Variants in SORCS3 observed in about 807,000 individuals in gnomAD.
SORCS3 encodes sortilin related VPS10 domain containing receptor 3.
SORCS3 carries 57 observed loss-of-function variants against 146.3 expected under a neutral mutation model. The observed-to-expected ratio is 0.39, with a 90% CI of 0.31 to 0.49. The LOEUF is 0.49. Ranked by LOEUF, SORCS3 falls within the 20% of genes least tolerant of loss-of-function variation. The probability of loss-of-function intolerance (pLI) is 0.92; values close to 1 mark genes in which losing one functional copy is unlikely to be tolerated. For missense variants in SORCS3, 1,341 were observed against 1,575.5 expected (o/e 0.85, Z 2.52); for synonymous variants, 653 against 618.5 (o/e 1.06, Z -0.83).
intron 1 of SORCS3, among the ~76,000 whole-genome samples, chr10:104,653,969 C>T (rs2015594348): frequency 6.6e-6 from 1 of 152,030 alleles, no homozygotes; most frequent in South Asian, 2.1e-4. Flanking sequence ...ACCCTTCCTG[C>T]CTCTGGTAAT....
At chr10:104,784,575 C>T (rs1195055507) in intron 1 of SORCS3, among the ~76,000 whole-genome samples, 1 of 152,152 alleles carries the variant, frequency 6.6e-6, no homozygotes, top group Non-Finnish European at 1.5e-5. Context: ...CTGAACATAA[C>T]CATGACAAAT....
At chr10:105,224,249 C>T (rs975538228) in intron 20 of SORCS3, among the ~76,000 whole-genome samples, 4 of 152,166 alleles carry the variant, frequency 2.6e-5, no homozygotes, top group Admixed American at 2.6e-4. Context: ...TCTTACCTGC[C>T]TCCTCCTTAA....
intron 7 of SORCS3, among the ~76,000 whole-genome samples, chr10:105,128,049 C>A (rs1252347904): frequency 6.6e-6 from 1 of 152,148 alleles, no homozygotes; most frequent in African/African-American, 2.4e-5. Flanking sequence ...CACCATGGAG[C>A]TGAATACCCG....
chr10:104,775,065 T>A (rs2017293399), intron 1 of SORCS3, among the ~76,000 whole-genome samples: 2 of 152,104 alleles, frequency 1.3e-5, no homozygotes, highest in African/African-American at 2.4e-5. Flanking sequence ...AGTTTTGGAG[T>A]GTTCTGGGAA....
At chr10:104,916,749 T>C (rs2019032605) in intron 3 of SORCS3, among the ~76,000 whole-genome samples, 1 of 152,146 alleles carries the variant, frequency 6.6e-6, no homozygotes. Flanking sequence ...AAGGTCATTT[T>C]AATATTTCTA....
chr10:104,930,000 C>G (rs988257374), intron 3 of SORCS3, among the ~76,000 whole-genome samples: 2 of 152,068 alleles, frequency 1.3e-5, no homozygotes, highest in Admixed American at 1.3e-4. Flanking sequence ...TATGAATTGC[C>G]TGACAAAGAA....
At chr10:105,096,562 A>G (rs772923607) in intron 6 of SORCS3, among the ~76,000 whole-genome samples, 21 of 152,334 alleles carry the variant, frequency 1.4e-4, no homozygotes, top group Middle Eastern at 3.4e-3. Flanking sequence ...TGCTGTAAGT[A>G]TCATGGAAAA....
intron 5 of SORCS3, among the ~76,000 whole-genome samples, chr10:105,063,487 T>C (rs1382210587): frequency 6.6e-6 from 1 of 152,224 alleles, no homozygotes; most frequent in Non-Finnish European, 1.5e-5. Flanking sequence ...CCCTACTGTC[T>C]CTCTTTAATA....
intron 3 of SORCS3, among the ~76,000 whole-genome samples, chr10:104,972,859 G>A (rs1193702219): frequency 1.3e-5 from 2 of 152,146 alleles, no homozygotes; most frequent in Admixed American, 6.6e-5. Context: ...ATTATTTTGA[G>A]ATATGTCCCA....
chr10:105,206,022 G>A (rs932215261), intron 16 of SORCS3, among the ~76,000 whole-genome samples: 3 of 152,096 alleles, frequency 2.0e-5, no homozygotes, highest in African/African-American at 7.2e-5. Context: ...GGAGATTTGG[G>A]GGTGTCACAG....
intron 1 of SORCS3, among the ~76,000 whole-genome samples, chr10:104,698,019 T>G (rs2016237081): frequency 6.6e-6 from 1 of 152,220 alleles, no homozygotes; most frequent in Admixed American, 6.5e-5. Flanking sequence ...ACTTTTAAGT[T>G]TTTTGTACTA....
chr10:104,913,578 C>T (rs951634719), intron 2 of SORCS3, among the ~76,000 whole-genome samples: 3 of 152,090 alleles, frequency 2.0e-5, no homozygotes, highest in Non-Finnish European at 2.9e-5. Context: ...AAACGTGAAA[C>T]GTGCTGAGTG....
chr10:104,845,637 T>C (rs1453007273), intron 2 of SORCS3, among the ~76,000 whole-genome samples: 2 of 152,150 alleles, frequency 1.3e-5, no homozygotes, highest in Admixed American at 1.3e-4. Flanking sequence ...GTCTGTATTC[T>C]CTAGGAATTA....
At chr10:104,664,479 A>G (rs1473002702) in intron 1 of SORCS3, 1 of 152,172 alleles carries the variant, frequency 6.6e-6, no homozygotes, top group Non-Finnish European at 1.5e-5. Flanking sequence ...GAGAAAATCG[A>G]AGCTCAGGGA....
chr10:105,210,523 C>T (rs1042047758), intron 16 of SORCS3, among the ~76,000 whole-genome samples: 1 of 152,192 alleles, frequency 6.6e-6, no homozygotes, highest in African/African-American at 2.4e-5. Flanking sequence ...TTCTACACTG[C>T]TCTGTTACTT....
chr10:105,139,709 C>A (rs2056082742), intron 8 of SORCS3, among the ~76,000 whole-genome samples: 1 of 152,008 alleles, frequency 6.6e-6, no homozygotes. Context: ...TCCTGTAACT[C>A]AAAGGTCTGG....
At chr10:105,144,750 C>T (rs1236379496) in intron 8 of SORCS3, among the ~76,000 whole-genome samples, 1 of 152,070 alleles carries the variant, frequency 6.6e-6, no homozygotes, top group African/African-American at 2.4e-5. Flanking sequence ...GTTCTCAGGA[C>T]CAACAAGTAA....
intron 1 of SORCS3, among the ~76,000 whole-genome samples, chr10:104,790,379 G>GA (rs1393256957): frequency 6.6e-6 from 1 of 152,188 alleles, no homozygotes; most frequent in Non-Finnish European, 1.5e-5. Context: ...AGAAAAGGAA[G>GA]AAAAAGTGTA....
At chr10:105,155,984 T>G (rs1323664987) in intron 9 of SORCS3, among the ~76,000 whole-genome samples, 1 of 152,220 alleles carries the variant, frequency 6.6e-6, no homozygotes, top group Admixed American at 6.5e-5. Context: ...TTTCGTCAAT[T>G]AAATTATGTC....
Sources: gnomAD v4.1 joint callset for allele counts (sites outside exome capture counted in the v4.1 genomes callset) on GRCh38, gnomAD v4.1.1 for gene constraint, MANE v1.5 for transcripts, NCBI Gene and HGNC (gene_info 2026-07-23, HGNC 2026-07-21) for gene names.